The following TOPORS variants were observed in gnomAD, a reference collection of about 807,000 sequenced individuals.
TOPORS encodes the protein E3 ubiquitin-protein ligase Topors.
TOPORS carries 25 observed loss-of-function variants against 81.4 expected under a neutral mutation model. That is an observed-to-expected ratio of 0.31 (90% CI 0.22 to 0.43). TOPORS has a LOEUF of 0.43. Among genes scored for constraint, TOPORS ranks in the 20% least tolerant of loss-of-function variants. The pLI, the probability that TOPORS is intolerant of heterozygous loss-of-function variation, is 1.00. For synonymous variants in TOPORS, 473 were observed against 456.6 expected (o/e 1.04, Z -0.46); for missense variants, 1,101 against 1,267.0 (o/e 0.87, Z 1.99).
rs1289477434 is a variant in TOPORS, at chr9:32,550,838, C to A, written c.134G>T (p.Ser45Ile). Residue 45 changes from serine (S) to isoleucine (I), a missense_variant, in exon 2 of 3, where the codon AGC (serine) becomes ATC (isoleucine). This residue lies in a region of TOPORS where 131 missense variants were observed against 101.0 expected (regional missense o/e 1.30). Coordinates refer to ENST00000360538, the MANE Select transcript of TOPORS (RefSeq NM_005802.5). ...RLRGSCRHRP[S>I]FLGCRELAAS... ...CGCGAGCTCCCGGCAGCCCAGAAAG[C>A]TAGGTCGGTGTCGGCAGGATCCGCG... is the stretch of plus-strand genomic sequence containing the variant. 1 of 1,613,014 alleles carries A rather than the reference C, an allele frequency of 6.2e-7. No homozygotes were observed. The highest frequency in any genetic ancestry group is 2.2e-5 in the East Asian group (1 of 44,864).
rs565079171 is a variant in TOPORS at position 32,550,281 on chromosome 9, C to T, written c.198+493G>A. Among the ~76,000 whole-genome samples, 3 of 152,318 alleles carry T rather than the reference C, an allele frequency of 2.0e-5. No individual in the cohort carries two copies. In the South Asian group the frequency reaches 6.2e-4, roughly 32 times the overall value. Reference sequence around the variant, plus strand: ...GGCAATTTCTGCTCAGAATGTTTAACACAACACAGACAAGTCCCAACTCCC... The same window carrying T: ...GGCAATTTCTGCTCAGAATGTTTAATACAACACAGACAAGTCCCAACTCCC... On this transcript the variant is annotated intron_variant, in intron 2 of 2. Transcript: ENST00000360538.
chr9:32,550,627 G>C, intron 2 of TOPORS, 147 bp downstream of exon 2: 3 of 852,000 alleles, frequency 3.5e-6, no homozygotes, highest in South Asian at 1.8e-5. Context: ...GAGCCGCTCG[G>C]GGGCCCTGGC....
chr9:32,552,286 G>C (rs2118986857), intron 1 of TOPORS, 148 bp downstream of exon 1: 1 of 1,173,188 alleles, frequency 8.5e-7, no homozygotes, highest in South Asian at 1.3e-5. Context: ...GGGCGGAAGA[G>C]GCCAGCGACA....
Position 32,543,333 on chromosome 9 carries a change from C to T in TOPORS, c.1192G>A (p.Glu398Lys). ...ATATCCAGCTCTTGGGTCTCAGCCT[C>T]ATCTGGAGATATTGTTATGACTGAA... is the stretch of plus-strand genomic sequence containing the variant. ...DSSVITISPD[E>K]AETQELDINV... Residue 398 changes from glutamate to lysine, a missense_variant, in exon 3 of 3, where the codon GAG (glutamate) becomes AAG (lysine). Coordinates refer to ENST00000360538, the MANE Select transcript of TOPORS (RefSeq NM_005802.5). This position sits in a 1 kb window ranked among gnomAD's most constrained non-coding sequence, Gnocchi z 5.6. 6.2e-7 allele frequency: 1 copy of T among 1,614,128 alleles called. No individual in the cohort carries two copies. Among genetic ancestry groups the T allele is most frequent in the Non-Finnish European group, 8.5e-7 (1 of 1,180,032 alleles).
Position 32,544,159 on chromosome 9 carries a change from CT to C in TOPORS, c.365del (p.Lys122SerfsTer31). On this transcript the variant is annotated frameshift_variant, in exon 3 of 3. Coordinates refer to ENST00000360538, the MANE Select transcript of TOPORS (RefSeq NM_005802.5). LOFTEE classifies it high-confidence loss of function. ...ACTCCTGTACACAGCGAAAACAGAA[CT>C]TATGTAAGCAGCGATCTAAGTAAGA... ...NVSYLDRCLH[K>X]FCFRCVQEWS... The C allele has an allele frequency of 6.2e-7, 1 of 1,614,008 alleles. No individual in the cohort carries two copies. Among genetic ancestry groups the C allele is most frequent in the Non-Finnish European group, 8.5e-7 (1 of 1,180,032 alleles).
At position 32,550,851 on chromosome 9, in the gene TOPORS, G is replaced by A. The variant is rs780889943; in HGVS notation, c.121C>T (p.Arg41Ter). Residue 41 changes from arginine to a stop codon, truncating the protein, a stop_gained, in exon 2 of 3, where the codon CGA (arginine) becomes TGA (stop). Coordinates refer to ENST00000360538, the MANE Select transcript of TOPORS (RefSeq NM_005802.5). LOFTEE classifies it high-confidence loss of function. ...CAGCCCAGAAAGCTAGGTCGGTGTC[G>A]GCAGGATCCGCGAAGGCGTACCCGG... ...SRRVRLRGSCRHRPSFLGCRE... is the reference protein window; with the variant it reads ...SRRVRLRGSC 1.2e-6 allele frequency: 2 copies of A among 1,612,984 alleles called. No individual in the cohort carries two copies. Among genetic ancestry groups the A allele is most frequent in the South Asian group, 2.2e-5 (2 of 91,072 alleles).
Position 32,552,465 on chromosome 9 carries a change from T to C in TOPORS, c.-29A>G. The C allele has an allele frequency of 6.2e-7, 1 of 1,600,658 alleles. No individual in the cohort carries two copies. Among genetic ancestry groups the C allele is most frequent in the Non-Finnish European group, 8.5e-7 (1 of 1,174,158 alleles). On this transcript the variant is annotated 5_prime_UTR_variant, in exon 1 of 3. Transcript: ENST00000360538. Reference sequence around the variant, plus strand: ...GCCAGTAAGTCGTCGCACGCTGGACTGGATTTATTCAGTGGTAAGTCCCGG... The same window carrying C: ...GCCAGTAAGTCGTCGCACGCTGGACCGGATTTATTCAGTGGTAAGTCCCGG...
In TOPORS at chr9:32,543,166, T is replaced by A. The variant is rs774925467; in HGVS notation, c.1359A>T (p.Gly453=). Residue 453 remains glycine (G), a synonymous_variant, in exon 3 of 3, where the codon GGA becomes GGT. Coordinates refer to ENST00000360538, the MANE Select transcript of TOPORS (RefSeq NM_005802.5). The surrounding 1 kb of genome is among the most constrained non-coding windows in gnomAD (Gnocchi z 5.6). The stretch of plus-strand genomic sequence containing the variant: ...GTACTCCTTGTATCTGAGACGTGGC[T>A]CCTCCTGTGACAAGTTCTTCATCTG... ...DSSDEELVTG[G]ATSQIQGVQT... 6.2e-7 allele frequency: 1 copy of A among 1,614,016 alleles called. No homozygotes were observed. Among genetic ancestry groups the A allele is most frequent in the East Asian group, 2.2e-5 (1 of 44,890 alleles).
At position 32,542,926 on chromosome 9, in the gene TOPORS, T is replaced by C; in HGVS notation, c.1599A>G (p.Ser533=). 1 of 1,614,176 alleles carries C rather than the reference T, an allele frequency of 6.2e-7. No homozygotes were observed. Residue 533 remains serine (S), a synonymous_variant, in exon 3 of 3, where the codon TCA becomes TCG. Coordinates refer to ENST00000360538, the MANE Select transcript of TOPORS (RefSeq NM_005802.5). The part of the protein sequence containing the change: ...SSGDSDVSRC[S]SPHSVLGKDE... Reference sequence around the variant, plus strand: ...CCTTTCCAAGGACAGAGTGTGGAGATGAGCATCTACTAACATCGCTATCAC... The same window carrying C: ...CCTTTCCAAGGACAGAGTGTGGAGACGAGCATCTACTAACATCGCTATCAC...
intron 2 of TOPORS, among the ~76,000 whole-genome samples, chr9:32,545,033 A>G (rs184119111): frequency 6.6e-6 from 1 of 152,360 alleles, no homozygotes; most frequent in Admixed American, 6.5e-5. Context: ...ATTTTTAGTG[A>G]AAGATTCTTT....
intron 1 of TOPORS, chr9:32,552,192 A>T: frequency 3.4e-6 from 2 of 581,104 alleles, no homozygotes; most frequent in Non-Finnish European, 6.1e-6. Flanking sequence ...AAAAAAAAAA[A>T]GCAATTTTTA....
In TOPORS at chr9:32,541,814, G is replaced by A. The variant is rs750722963; in HGVS notation, c.2711C>T (p.Ser904Phe). The part of the protein sequence containing the change: ...KKHHGDNASR[S>F]PVVITIDSDS... ...ACTGTCAATGGTAATTACAACTGGG[G>A]AACGTGAAGCATTATCTCCATGGTG... is the stretch of plus-strand genomic sequence containing the variant. Residue 904 changes from serine (S) to phenylalanine (F), a missense_variant, in exon 3 of 3, where the codon TCC becomes TTC. By Grantham distance (155) the Ser-to-Phe change is radical. Transcript: ENST00000360538. 6 of 1,614,028 alleles carry A rather than the reference G, an allele frequency of 3.7e-6. No individual in the cohort carries two copies. In the African/African-American group the frequency reaches 8.0e-5, roughly 22 times the overall value.
At position 32,541,836 on chromosome 9, in the gene TOPORS, G is replaced by T. The variant is rs1821065255; in HGVS notation, c.2689C>A (p.His897Asn). The T allele has an allele frequency of 6.2e-7, 1 of 1,613,844 alleles. No individual in the cohort carries two copies. Residue 897 changes from histidine (H) to asparagine (N), a missense_variant, in exon 3 of 3, where the codon CAT becomes AAT. Physicochemically the swap from His to Asn is moderately conservative, Grantham distance 68. Around this residue, in one of 9 missense-constraint regions of TOPORS, gnomAD observed 605 missense variants for 636.1 expected, o/e 0.95. Transcript: ENST00000360538. ...KKHKKKHKKHHGDNASRSPVV... is the reference protein window; with the variant it reads ...KKHKKKHKKHNGDNASRSPVV... ...GGGGAACGTGAAGCATTATCTCCATGGTGTTTCTTATGCTTCTTCTTATGT... is the reference window on the plus strand; with the variant it reads ...GGGGAACGTGAAGCATTATCTCCATTGTGTTTCTTATGCTTCTTCTTATGT...
At position 32,543,129 on chromosome 9, in the gene TOPORS, C is replaced by T. The variant is rs755081657; in HGVS notation, c.1396G>A (p.Asp466Asn). Residue 466 changes from aspartate (D) to asparagine (N), a missense_variant, in exon 3 of 3, where the codon GAC (aspartate) becomes AAC (asparagine). By Grantham distance (23) the Asp-to-Asn change is conservative (BLOSUM62 1). Around this residue, in one of 9 missense-constraint regions of TOPORS, gnomAD observed 103 missense variants for 112.1 expected, o/e 0.92. Coordinates refer to ENST00000360538, the MANE Select transcript of TOPORS (RefSeq NM_005802.5). The surrounding 1 kb of genome is among the most constrained non-coding windows in gnomAD (Gnocchi z 5.6). ...SQIQGVQTND[D>N]LNNDSDDSSD... ...GAATCATCACTGTCATTATTTAGGT[C>T]GTCATTGGTTTGTACTCCTTGTATC... 11 of 1,613,932 alleles carry T rather than the reference C, an allele frequency of 6.8e-6. No individual in the cohort carries two copies. Among genetic ancestry groups the T allele is most frequent in the Admixed American group, 3.3e-5 (2 of 60,008 alleles).
chr9:32,541,514 A>G lies in TOPORS; in HGVS notation c.3011T>C (p.Phe1004Ser). ...GGGCTGGTTCTCCAAATCAGAAACA[A>G]AGGTGCTCTCTTCTCTTACATCGAG... ...QTLDVREEST[F>S]VSDLENQPSN... The change falls in exon 3 of 3, where the codon TTT (phenylalanine) becomes TCT (serine). Residue 1004 changes from phenylalanine to serine, a missense_variant. This residue lies in a region of TOPORS where 605 missense variants were observed against 636.1 expected (regional missense o/e 0.95). Coordinates refer to ENST00000360538, the MANE Select transcript of TOPORS (RefSeq NM_005802.5). 1 of 1,614,244 alleles carries G rather than the reference A, an allele frequency of 6.2e-7. No homozygotes were observed. The highest frequency in any genetic ancestry group is 8.5e-7 in the Non-Finnish European group (1 of 1,180,032).
rs138093293 is a variant in TOPORS, at chr9:32,541,734, G to A, written c.2791C>T (p.Pro931Ser). The change falls in exon 3 of 3, where the codon CCT (proline) becomes TCT (serine). Residue 931 changes from proline (P) to serine (S), a missense_variant. By Grantham distance (74) the Pro-to-Ser change is moderately conservative. Transcript: ENST00000360538. ...KEDTECDNSG[P>S]QDPLQNEFLA... Reference sequence around the variant, plus strand: ...AACTCATTTTGTAGAGGGTCTTGAGGACCACTATTGTCACATTCTGTATCC... The same window carrying A: ...AACTCATTTTGTAGAGGGTCTTGAGAACCACTATTGTCACATTCTGTATCC... 2.4e-5 allele frequency: 38 copies of A among 1,614,010 alleles called. No individual in the cohort carries two copies. Among genetic ancestry groups the A allele is most frequent in the Non-Finnish European group, 3.1e-5 (37 of 1,180,036 alleles).
chr9:32,543,721 T>C lies in TOPORS; in HGVS notation c.804A>G (p.Arg268=). 2 of 1,612,948 alleles carry C rather than the reference T, an allele frequency of 1.2e-6. No individual in the cohort carries two copies. Among genetic ancestry groups the C allele is most frequent in the Non-Finnish European group, 8.5e-7 (1 of 1,179,500 alleles). The stretch of plus-strand genomic sequence containing the variant: ...GGCCACCATCTTCAATATTTCTAAC[T>C]CGAGCACCAGCACGATAAAGAGTTC... ...FRRTLYRAGA[R]VRNIEDGGRY... The change falls in exon 3 of 3, where the codon CGA becomes CGG. Residue 268 remains arginine (R), a synonymous_variant. Coordinates refer to ENST00000360538, the MANE Select transcript of TOPORS (RefSeq NM_005802.5). This position sits in a 1 kb window ranked among gnomAD's most constrained non-coding sequence, Gnocchi z 5.6.
chr9:32,547,372 A>G (rs1381981161), intron 2 of TOPORS, among the ~76,000 whole-genome samples: 2 of 152,254 alleles, frequency 1.3e-5, no homozygotes, highest in East Asian at 3.8e-4. Flanking sequence ...AGGGAAACGA[A>G]AACTTGTCCA....
intron 2 of TOPORS, among the ~76,000 whole-genome samples, chr9:32,546,811 T>G (rs191726762): frequency 2.0e-5 from 3 of 152,204 alleles, no homozygotes; most frequent in Non-Finnish European, 2.9e-5. Context: ...ATGTCCTCCA[T>G]AACAGGTTAA....
Sources: gnomAD v4.1 joint callset for allele counts (sites outside exome capture counted in the v4.1 genomes callset) on GRCh38, gnomAD v4.1.1 for gene constraint, gnomAD v4.1.1 regional missense constraint, Gnocchi (gnomAD v3.1) non-coding constraint, MANE v1.5 for transcripts, NCBI Gene and HGNC (gene_info 2026-07-23, HGNC 2026-07-21) for gene names.